The following NIN variants were observed in gnomAD, a reference collection of about 807,000 sequenced individuals.
NIN encodes the protein ninein, also known as glycogen synthase kinase 3 beta-interacting protein.
A neutral mutation model predicts 257.6 loss-of-function variants in NIN; 137 were observed. The ratio of observed to expected loss-of-function variants is 0.53; its 90% CI spans 0.46 to 0.61. The LOEUF (loss-of-function observed/expected upper bound fraction) is 0.61, where lower values mean the gene tolerates loss of function less well. NIN is among the 20% of genes least tolerant of loss of function. The pLI is 0.00. For synonymous variants in NIN, 918 were observed against 919.8 expected, an observed-to-expected ratio of 1.00 and a Z score of 0.04; for missense variants, 2,439 against 2,501.2, an observed-to-expected ratio of 0.98 and a Z score of 0.53.
chr14:50,759,079 C>T (rs2042160675), intron 17 of NIN, among the ~76,000 whole-genome samples: 1 of 152,168 alleles, frequency 6.6e-6, no homozygotes, highest in Non-Finnish European at 1.5e-5. Context: ...TCTTACTTAA[C>T]GAAGTAGCAC....
chr14:50,796,339 T>A (rs148115105), intron 4 of NIN, among the ~76,000 whole-genome samples: 33 of 152,272 alleles, frequency 2.2e-4, no homozygotes, highest in African/African-American at 7.7e-4. Flanking sequence ...AGCCAAATGC[T>A]TGGTTATGAG....
intron 4 of NIN, among the ~76,000 whole-genome samples, chr14:50,801,425 T>A (rs1433545178): frequency 6.6e-6 from 1 of 152,168 alleles, no homozygotes; most frequent in African/African-American, 2.4e-5. Flanking sequence ...AAACTTCTGG[T>A]CCTCACTGTT....
chr14:50,747,980 A>C lies in NIN; in HGVS notation c.5064+12T>G. 1 of 1,574,886 alleles carries C rather than the reference A, an allele frequency of 6.3e-7. No individual in the cohort carries two copies. Among genetic ancestry groups the C allele is most frequent in the East Asian group, 2.2e-5 (1 of 44,700 alleles). On this transcript the variant is annotated intron_variant, in intron 22 of 30. Transcript: ENST00000530997. Reference sequence around the variant, plus strand: ...TGTTCTGTGAACCCCCCTTAGCTGCACACAGCCTTACCTGTTTCATTTTCT... The same window carrying C: ...TGTTCTGTGAACCCCCCTTAGCTGCCCACAGCCTTACCTGTTTCATTTTCT...
chr14:50,814,360 G>A (rs750594498), intron 3 of NIN, among the ~76,000 whole-genome samples: 22 of 152,142 alleles, frequency 1.4e-4, no homozygotes, highest in Non-Finnish European at 2.2e-4. Flanking sequence ...GAGCCATTCT[G>A]GGTGTGTAGA....
At chr14:50,780,397 G>T (rs772492734) in intron 5 of NIN, among the ~76,000 whole-genome samples, 10 of 152,184 alleles carry the variant, frequency 6.6e-5, no homozygotes, top group Non-Finnish European at 1.5e-4. Context: ...AAATAAACTC[G>T]ACAGGAAAGT....
chr14:50,803,892 T>C (rs937602607), intron 4 of NIN, among the ~76,000 whole-genome samples: 1 of 125,544 alleles, frequency 8.0e-6, no homozygotes, highest in African/African-American at 2.7e-5. Flanking sequence ...CTTTTTTTTT[T>C]CTTTTTTCTT....
chr14:50,742,989 A>T (rs188549901), intron 24 of NIN, among the ~76,000 whole-genome samples: 14 of 152,124 alleles, frequency 9.2e-5, no homozygotes, highest in African/African-American at 3.1e-4. Context: ...TTTGAGATGG[A>T]GTCTCGCTCT....
At chr14:50,751,471 G>A (rs928408286) in intron 21 of NIN, among the ~76,000 whole-genome samples, 2 of 122,130 alleles carry the variant, frequency 1.6e-5, no homozygotes, top group African/African-American at 6.9e-5. Flanking sequence ...CAGTCTTATA[G>A]GTGAGAAATT....
chr14:50,826,335 G>A (rs139512584), intron 2 of NIN, among the ~76,000 whole-genome samples: 251 of 152,194 alleles, frequency 1.6e-3, no homozygotes, highest in African/African-American at 5.8e-3. Flanking sequence ...AACCAGTATG[G>A]GCAATATTTT....
rs144936749 is a variant in NIN, at chr14:50,787,794, G to T, written c.435+4918C>A. Among the ~76,000 whole-genome samples, 322 of 152,314 alleles carry T rather than the reference G, an allele frequency of 2.1e-3. 2 individuals carry two copies. The highest frequency in any genetic ancestry group is 6.8e-3 in the African/African-American group (282 of 41,562). On this transcript the variant is annotated intron_variant, in intron 5 of 30. Transcript: ENST00000530997. ...ACATTCTGCTTCGGGATTTCCAAGTGAAATTCTGAAATGTGTATTTTGGTG... is the reference window on the plus strand; with the variant it reads ...ACATTCTGCTTCGGGATTTCCAAGTTAAATTCTGAAATGTGTATTTTGGTG...
intron 3 of NIN, among the ~76,000 whole-genome samples, chr14:50,807,971 G>A (rs2044404716): frequency 1.3e-5 from 2 of 152,054 alleles, no homozygotes; most frequent in South Asian, 4.1e-4. Context: ...AGATTATATT[G>A]CATATATTTA....
Position 50,741,641 on chromosome 14 carries a change from C to T in NIN, c.5389G>A (p.Glu1797Lys). The T allele has an allele frequency of 6.2e-7, 1 of 1,614,142 alleles. No individual in the cohort carries two copies. The highest frequency in any genetic ancestry group is 8.5e-7 in the Non-Finnish European group (1 of 1,180,004). Reference sequence around the variant, plus strand: ...GACATCACTTCTTGTTTTAAAGCCTCCTTTTCCTGCTGAGTCACTCGTAGG... The same window carrying T: ...GACATCACTTCTTGTTTTAAAGCCTTCTTTTCCTGCTGAGTCACTCGTAGG... ...SDLRVTQQEK[E>K]ALKQEVMSLH... Residue 1797 changes from glutamate (E) to lysine (K), a missense_variant, in exon 25 of 31, where the codon GAG (glutamate) becomes AAG (lysine). Transcript: ENST00000530997.
intron 3 of NIN, among the ~76,000 whole-genome samples, chr14:50,811,683 T>C (rs565244970): frequency 2.0e-5 from 3 of 151,144 alleles, no homozygotes; most frequent in Admixed American, 2.0e-4. Flanking sequence ...GCTGATTGCC[T>C]GAGCTCAGGA....
intron 3 of NIN, among the ~76,000 whole-genome samples, chr14:50,818,309 A>G (rs1480289084): frequency 2.9e-5 from 3 of 101,902 alleles, no homozygotes; most frequent in Non-Finnish European, 6.0e-5. Flanking sequence ...GGCGACGGCG[A>G]GACTCTGTCA....
At chr14:50,763,439 C>T (rs2042349011) in intron 15 of NIN, among the ~76,000 whole-genome samples, 1 of 152,194 alleles carries the variant, frequency 6.6e-6, no homozygotes, top group Admixed American at 6.5e-5. Flanking sequence ...GCCTGCTCTC[C>T]AAAACCATCT....
At position 50,723,680 on chromosome 14, in the gene NIN, C is replaced by T. The variant is rs559466394; in HGVS notation, c.6193-8G>A. ...CTTAGTGTTCTTGCAGAGCTAGAAA[C>T]AGAACCAGAAACATCTTGACTCCAT... is the stretch of plus-strand genomic sequence containing the variant. On this transcript the variant is annotated splice_region_variant and splice_polypyrimidine_tract_variant and intron_variant, in intron 30 of 30. Transcript: ENST00000530997. The T allele has an allele frequency of 6.2e-7, 1 of 1,612,784 alleles. No homozygotes were observed. Among genetic ancestry groups the T allele is most frequent in the Non-Finnish European group, 8.5e-7 (1 of 1,178,902 alleles).
intron 29 of NIN, among the ~76,000 whole-genome samples, chr14:50,726,863 T>C (rs2040431970): frequency 6.6e-6 from 1 of 152,190 alleles, no homozygotes; most frequent in Non-Finnish European, 1.5e-5. Flanking sequence ...TAACAGCTGA[T>C]GGTAGTTAAG....
Position 50,778,822 on chromosome 14 carries a change from A to C in NIN, c.436-18T>G. ...TTCCAGTGCTAGAGAAGGCAAGAGA[A>C]GATTAGTGTGCTTTAGAACTTATTC... On this transcript the variant is annotated intron_variant, in intron 5 of 30. Transcript: ENST00000530997. 1 of 1,613,760 alleles carries C rather than the reference A, an allele frequency of 6.2e-7. No individual in the cohort carries two copies. The highest frequency in any genetic ancestry group is 1.3e-5 in the African/African-American group (1 of 75,052).
chr14:50,785,824 A>G (rs1300317859), intron 5 of NIN, among the ~76,000 whole-genome samples: 1 of 152,152 alleles, frequency 6.6e-6, no homozygotes, highest in Non-Finnish European at 1.5e-5. Flanking sequence ...ACTTCCTGGG[A>G]CTGTGGTTCA....
Sources: gnomAD v4.1 joint callset for allele counts (sites outside exome capture counted in the v4.1 genomes callset) on GRCh38, gnomAD v4.1.1 for gene constraint, MANE v1.5 for transcripts, NCBI Gene and HGNC (gene_info 2026-07-23, HGNC 2026-07-21) for gene names.